ITCH: variants seen among roughly 807,000 people sequenced by gnomAD.
ITCH encodes the protein itchy E3 ubiquitin protein ligase, also known as E3 ubiquitin-protein ligase Itchy homolog.
A neutral mutation model predicts 126.8 loss-of-function variants in ITCH; 28 were observed. The observed-to-expected ratio is 0.22, with a 90% CI of 0.16 to 0.30. ITCH has a LOEUF of 0.30. Ranked by LOEUF, ITCH falls within the 10% of genes least tolerant of loss-of-function variation. The probability of loss-of-function intolerance (pLI) is 1.00; values close to 1 mark genes in which losing one functional copy is unlikely to be tolerated. For missense variants in ITCH, 631 were observed against 1,032.4 expected (o/e 0.61, Z 5.33); for synonymous variants, 342 against 340.0 (o/e 1.01, Z -0.06).
chr20:34,424,501 G>T lies in ITCH; in HGVS notation c.497G>T (p.Gly166Val). The T allele has an allele frequency of 6.2e-7, 1 of 1,613,484 alleles. No homozygotes were observed. Among genetic ancestry groups the T allele is most frequent in the Non-Finnish European group, 8.5e-7 (1 of 1,179,476 alleles). Residue 166 changes from glycine (G) to valine (V), a missense_variant, in exon 7 of 25, where the codon GGC becomes GTC. Physicochemically the swap from Gly to Val is moderately radical, Grantham distance 109. Around this residue, in one of 4 missense-constraint regions of ITCH, gnomAD observed 220 missense variants for 265.7 expected, o/e 0.83. Transcript: ENST00000374864. ...AAAGGTGCTTCTCAGAATGATGATGGCTCCAGATCCAAGGATGAAACAAGG... is the reference window on the plus strand; with the variant it reads ...AAAGGTGCTTCTCAGAATGATGATGTCTCCAGATCCAAGGATGAAACAAGG... ...CSESASQNDD[G>V]SRSKDETRVS...
intron 9 of ITCH, 51 bp from the exon 10 acceptor site, chr20:34,442,157 G>A (rs370089999): frequency 2.2e-6 from 3 of 1,339,274 alleles, no homozygotes; most frequent in South Asian, 1.2e-5. Flanking sequence ...GGATTAAAAA[G>A]CCAGGTAACT....
intron 23 of ITCH, among the ~76,000 whole-genome samples, chr20:34,499,187 G>T (rs1049470890): frequency 1.3e-5 from 2 of 149,068 alleles, no homozygotes; most frequent in African/African-American, 4.9e-5. Flanking sequence ...CGTTAGCCAG[G>T]ATGGTCTCGA....
intron 6 of ITCH, among the ~76,000 whole-genome samples, chr20:34,421,010 T>G (rs1339529648): frequency 6.6e-6 from 1 of 152,234 alleles, no homozygotes; most frequent in Non-Finnish European, 1.5e-5. Flanking sequence ...GGTTTGCTGC[T>G]GGCCCAAGGC....
chr20:34,449,595 G>A (rs1249797067), intron 12 of ITCH, 115 bp downstream of exon 12: 26 of 730,396 alleles, frequency 3.6e-5, no homozygotes, highest in South Asian at 8.2e-5. Flanking sequence ...TTGAGTGAAT[G>A]TCTGGGAAGT....
chr20:34,457,545 C>T (rs1202681619), intron 13 of ITCH, 71 bp downstream of exon 13: 10 of 1,058,064 alleles, frequency 9.5e-6, no homozygotes, highest in Non-Finnish European at 1.4e-5. Flanking sequence ...TGAAGAAGAT[C>T]AAAGTTCATA....
At chr20:34,394,723 C>T (rs1014110306) in intron 3 of ITCH, among the ~76,000 whole-genome samples, 3 of 152,150 alleles carry the variant, frequency 2.0e-5, no homozygotes, top group Non-Finnish European at 2.9e-5. Context: ...AGAATGATTA[C>T]CCCATCATGC....
chr20:34,462,683 C>T (rs1030288103), intron 14 of ITCH, among the ~76,000 whole-genome samples: 6 of 152,192 alleles, frequency 3.9e-5, no homozygotes, highest in Non-Finnish European at 5.9e-5. Flanking sequence ...TAAGCACATT[C>T]ATATTGTGGC....
rs751414549 is a variant in ITCH, at chr20:34,393,828, C to T, written c.17C>T (p.Ser6Leu). 1.4e-5 allele frequency: 22 copies of T among 1,613,752 alleles called. No homozygotes were observed. In the East Asian group the frequency reaches 2.0e-4, roughly 15 times the overall value. MSDSG[S>L]QLGSMGSLTM... is the part of the protein sequence containing the mutation. ...ATTGGTGGTATGTCTGACAGTGGAT[C>T]ACAACTTGGTTCAATGGGTAGCCTC... Residue 6 changes from serine to leucine, a missense_variant, in exon 3 of 25, where the codon TCA becomes TTA. Around this residue, in one of 4 missense-constraint regions of ITCH, gnomAD observed 19 missense variants for 17.5 expected, o/e 1.08. Coordinates refer to ENST00000374864, the MANE Select transcript of ITCH (RefSeq NM_031483.7).
chr20:34,468,003 A>G (rs960709520), intron 14 of ITCH, among the ~76,000 whole-genome samples: 5 of 150,874 alleles, frequency 3.3e-5, no homozygotes, highest in African/African-American at 1.2e-4. Context: ...TACAATGCAA[A>G]TTTATGAGAA....
chr20:34,477,998 G>T (rs977982638), intron 17 of ITCH, 138 bp downstream of exon 17: 7 of 1,123,052 alleles, frequency 6.2e-6, no homozygotes, highest in Admixed American at 2.4e-5. Flanking sequence ...TTATTATGCT[G>T]TAGCTACAGA....
chr20:34,424,119 G>T (rs771575732), intron 6 of ITCH, among the ~76,000 whole-genome samples: 14 of 152,004 alleles, frequency 9.2e-5, no homozygotes, highest in Admixed American at 3.3e-4. Flanking sequence ...TTCTGCTGGC[G>T]ATCAGCACTT....
At chr20:34,502,332 A>G (rs547909982) in intron 23 of ITCH, among the ~76,000 whole-genome samples, 23 of 152,100 alleles carry the variant, frequency 1.5e-4, no homozygotes, top group African/African-American at 5.3e-4. Flanking sequence ...GTAGTGCACT[A>G]TAACTGCTTC....
chr20:34,508,072 C>G lies in ITCH; in HGVS notation c.*278C>G, dbSNP rs558761840. 109 of 400,574 alleles carry G rather than the reference C, an allele frequency of 2.7e-4. 1 individual carries two copies. Among genetic ancestry groups the G allele is most frequent in the South Asian group, 2.4e-3 (106 of 44,750 alleles). 24.8% of individuals were successfully genotyped at this position (400,574 alleles called of 1,614,324 possible). A position where few individuals can be genotyped will look rare whatever the true frequency, so the allele number is the denominator to read the frequency against. On this transcript the variant is annotated 3_prime_UTR_variant, in exon 25 of 25. Coordinates refer to ENST00000374864, the MANE Select transcript of ITCH (RefSeq NM_031483.7). ...TTATTCCACTAGTTTATTCCTTTAA[C>G]AACAATATTTTATGTGTGTCAAAAG...
chr20:34,414,144 TA>T (rs76509681), intron 6 of ITCH, among the ~76,000 whole-genome samples: 546 of 137,302 alleles, frequency 4.0e-3, no homozygotes, highest in East Asian at 6.7e-3. Context: ...CTTGTTTCTT[TA>T]AAAAAAAAAA....
intron 20 of ITCH, among the ~76,000 whole-genome samples, chr20:34,487,648 A>C (rs1206297308): frequency 2.6e-5 from 4 of 152,144 alleles, no homozygotes; most frequent in African/African-American, 9.7e-5. Context: ...ACAATATAAG[A>C]AGCTCATAGG....
chr20:34,421,630 C>G (rs1980783357), intron 6 of ITCH, among the ~76,000 whole-genome samples: 1 of 151,962 alleles, frequency 6.6e-6, no homozygotes, highest in Non-Finnish European at 1.5e-5. Flanking sequence ...TAACTATTCT[C>G]TGGTTGTAAG....
chr20:34,436,187 A>G (rs1026747248), intron 7 of ITCH, among the ~76,000 whole-genome samples: 1 of 152,212 alleles, frequency 6.6e-6, no homozygotes, highest in African/African-American at 2.4e-5. Flanking sequence ...CTTCTCCCTC[A>G]CATATCCCTA....
chr20:34,503,502 G>A (rs753114239), intron 23 of ITCH, among the ~76,000 whole-genome samples: 27 of 152,152 alleles, frequency 1.8e-4, no homozygotes, highest in Non-Finnish European at 2.8e-4. Context: ...GGACCTGTAA[G>A]TTCCAGCATT....
In ITCH at chr20:34,510,787, T is replaced by C. The variant is rs1442544073; in HGVS notation, c.*2993T>C. 6.6e-6 allele frequency: 1 copy of C among 152,152 alleles called. No individual in the cohort carries two copies. The highest frequency in any genetic ancestry group is 2.4e-5 in the African/African-American group (1 of 41,420). 9.4% of individuals were successfully genotyped at this position (152,152 alleles called of 1,614,324 possible). ...GGGAGGATCCCAGGAGTTCAAATCC[T>C]GCCTGGGCAACATAGCAAGACCCTG... On this transcript the variant is annotated 3_prime_UTR_variant, in exon 25 of 25. Transcript: ENST00000374864.
Sources: gnomAD v4.1 joint callset for allele counts (sites outside exome capture counted in the v4.1 genomes callset) on GRCh38, gnomAD v4.1.1 for gene constraint, gnomAD v4.1.1 regional missense constraint, MANE v1.5 for transcripts, NCBI Gene and HGNC (gene_info 2026-07-23, HGNC 2026-07-21) for gene names.